ARPP21: variants seen among roughly 807,000 people sequenced by gnomAD.
The protein encoded by ARPP21 is cAMP regulated phosphoprotein 21, also known as cAMP-regulated phosphoprotein 21.
In ARPP21, 69 loss-of-function variants were observed where a neutral mutation model predicts 113.2. That is an observed-to-expected ratio of 0.61 (90% CI 0.50 to 0.74). The LOEUF (loss-of-function observed/expected upper bound fraction) is 0.74, where lower values mean the gene tolerates loss of function less well. ARPP21 is among the 30% of genes least tolerant of loss of function. The pLI is 0.00. For synonymous variants in ARPP21, 368 were observed against 375.5 expected, an observed-to-expected ratio of 0.98 and a Z score of 0.23; for missense variants, 1,070 against 1,037.4, an observed-to-expected ratio of 1.03 and a Z score of -0.43.
intron 19 of ARPP21, among the ~76,000 whole-genome samples, chr3:35,779,441 T>TTGTCCCTGATTTTGTCCCTG (rs1355870874): frequency 1.3e-5 from 2 of 152,154 alleles, no homozygotes; most frequent in African/African-American, 4.8e-5. Flanking sequence ...GTCCCTGATT[T>TTGTCCCTGATTTTGTCCCTG]ATGAGAAATT....
chr3:35,711,214 G>T (rs1464795638), intron 11 of ARPP21, among the ~76,000 whole-genome samples: 1 of 152,068 alleles, frequency 6.6e-6, no homozygotes, highest in African/African-American at 2.4e-5. Flanking sequence ...ATATCCTAGG[G>T]CAGCGTTTTA....
At position 35,739,480 on chromosome 3, in the gene ARPP21, C is replaced by T; in HGVS notation, c.1913C>T (p.Thr638Ile). The T allele has an allele frequency of 6.2e-7, 1 of 1,614,144 alleles. No individual in the cohort carries two copies. ...VIASTGQQLP[T>I]GGFSGSGPPI... ...GCCTCTACAGGCCAGCAGCTTCCTA[C>T]AGGAGGATTCTCAGGCTCTGGCCCT... The change falls in exon 18 of 21, where the codon ACA becomes ATA. Residue 638 changes from threonine to isoleucine, a missense_variant. Transcript: ENST00000684406.
At chr3:35,657,809 T>C (rs1172602553) in intron 1 of ARPP21, among the ~76,000 whole-genome samples, 1 of 152,022 alleles carries the variant, frequency 6.6e-6, no homozygotes, top group Non-Finnish European at 1.5e-5. Context: ...CCTAGCATGG[T>C]GGTAGAGGTG....
chr3:35,773,871 T>A (rs1352464036), intron 19 of ARPP21, among the ~76,000 whole-genome samples: 1 of 152,194 alleles, frequency 6.6e-6, no homozygotes, highest in East Asian at 1.9e-4. Context: ...TATGGGCACT[T>A]GTAGCTTTGT....
intron 19 of ARPP21, among the ~76,000 whole-genome samples, chr3:35,761,548 G>A (rs1177725375): frequency 2.6e-5 from 4 of 151,940 alleles, no homozygotes; most frequent in Non-Finnish European, 4.4e-5. Flanking sequence ...CAAAGTTTGT[G>A]CTTTACTCTG....
chr3:35,704,698 T>C (rs995729351), intron 9 of ARPP21, among the ~76,000 whole-genome samples: 1 of 152,024 alleles, frequency 6.6e-6, no homozygotes, highest in African/African-American at 2.4e-5. Context: ...ATTGTGACTT[T>C]TTTAATCTGT....
At position 35,667,963 on chromosome 3, in the gene ARPP21, GAAGAAGAAGAAGA is replaced by G. The variant is rs1476680204; in HGVS notation, c.-212-11822_-212-11810del. ...GAGAAGAAGAAAAGAAGAAGAAGAA[GAAGAAGAAGAAGA>G]AGAAGAAGAAGAAGAAGAAGAAGAA... is the stretch of plus-strand genomic sequence containing the variant. On this transcript the variant is annotated intron_variant, in intron 1 of 20. Coordinates refer to ENST00000684406, the MANE Select transcript of ARPP21 (RefSeq NM_001385562.1). Among the ~76,000 whole-genome samples the G allele has an allele frequency of 2.3e-3, 197 of 84,294 alleles. 2 individuals are homozygous for G. The highest frequency in any genetic ancestry group is 4.3e-3 in the Non-Finnish European group (172 of 40,200). 55.3% of individuals were successfully genotyped at this position (84,294 alleles called of 152,430 possible).
intron 1 of ARPP21, among the ~76,000 whole-genome samples, chr3:35,663,018 G>C (rs753920885): frequency 1.3e-5 from 2 of 151,880 alleles, no homozygotes; most frequent in African/African-American, 4.8e-5. Context: ...AACAGAGTAG[G>C]GTGACTATAT....
chr3:35,656,976 CA>C (rs1705261342), intron 1 of ARPP21, among the ~76,000 whole-genome samples: 1 of 151,970 alleles, frequency 6.6e-6, no homozygotes, highest in Admixed American at 6.6e-5. Context: ...AATCATTCTT[CA>C]AAAATGGTAC....
At chr3:35,767,131 A>G (rs2096009067) in intron 19 of ARPP21, among the ~76,000 whole-genome samples, 2 of 152,138 alleles carry the variant, frequency 1.3e-5, no homozygotes, top group South Asian at 2.1e-4. Context: ...GTTTTAACAT[A>G]TTGTCCACCT....
At chr3:35,684,180 A>T in intron 5 of ARPP21, 1 of 1,365,868 alleles carries the variant, frequency 7.3e-7, no homozygotes, top group South Asian at 2.0e-5. Context: ...CTTGTTGGAG[A>T]TGTCTTACCT....
chr3:35,761,262 G>A (rs2095764515), intron 19 of ARPP21, among the ~76,000 whole-genome samples: 1 of 152,072 alleles, frequency 6.6e-6, no homozygotes, highest in Non-Finnish European at 1.5e-5. Flanking sequence ...TCTATATTTA[G>A]AGATGCATTT....
At chr3:35,707,570 C>T (rs955138079) in intron 10 of ARPP21, 2 of 456,398 alleles carry the variant, frequency 4.4e-6, no homozygotes, top group Non-Finnish European at 8.8e-6. Flanking sequence ...TGCAACTATC[C>T]TAAAATAAGT....
Position 35,794,212 on chromosome 3 carries a change from A to G in ARPP21, c.*254A>G. The G allele has an allele frequency of 1.9e-6, 1 of 531,788 alleles. No individual in the cohort carries two copies. The highest frequency in any genetic ancestry group is 3.4e-6 in the Non-Finnish European group (1 of 296,358). The allele number at this position is 531,788 out of a possible 1,614,324, so 32.9% of individuals were successfully genotyped here. A position where few individuals can be genotyped will look rare whatever the true frequency, so the allele number is the denominator to read the frequency against. ...ATTCATCAAGGTAAGATTTTCTCCT[A>G]CCACTGAATACCACTGTGTAGATTA... is the stretch of plus-strand genomic sequence containing the variant. On this transcript the variant is annotated 3_prime_UTR_variant, in exon 21 of 21. Transcript: ENST00000684406.
intron 6 of ARPP21, among the ~76,000 whole-genome samples, chr3:35,688,974 A>C (rs1159405346): frequency 2.0e-5 from 3 of 150,730 alleles, no homozygotes; most frequent in Non-Finnish European, 4.4e-5. Flanking sequence ...GAGTTCTGTC[A>C]TGTGGGGTTT....
At chr3:35,753,559 A>C (rs2095473412) in intron 19 of ARPP21, among the ~76,000 whole-genome samples, 1 of 151,958 alleles carries the variant, frequency 6.6e-6, no homozygotes, top group Non-Finnish European at 1.5e-5. Context: ...CAATCATTTC[A>C]GTTTACTCTT....
intron 11 of ARPP21, among the ~76,000 whole-genome samples, chr3:35,710,967 A>C (rs1168887975): frequency 6.6e-6 from 1 of 152,208 alleles, no homozygotes; most frequent in Non-Finnish European, 1.5e-5. Flanking sequence ...ATGCTGTATC[A>C]ACAGTTTTTA....
chr3:35,670,086 C>T (rs1382181184), intron 1 of ARPP21, among the ~76,000 whole-genome samples: 1 of 152,110 alleles, frequency 6.6e-6, no homozygotes, highest in Non-Finnish European at 1.5e-5. Context: ...TCTTTAGTAA[C>T]AGGTAATGAT....
chr3:35,684,085 T>G, intron 5 of ARPP21: 2 of 1,568,734 alleles, frequency 1.3e-6, no homozygotes, highest in Non-Finnish European at 1.7e-6. Context: ...AAATAAAAAG[T>G]AGGCACAGTA....
Sources: gnomAD v4.1 joint callset for allele counts (sites outside exome capture counted in the v4.1 genomes callset) on GRCh38, gnomAD v4.1.1 for gene constraint, MANE v1.5 for transcripts, NCBI Gene and HGNC (gene_info 2026-07-23, HGNC 2026-07-21) for gene names.